PCDHA13: variants seen among roughly 807,000 people sequenced by gnomAD.
PCDHA13 encodes protocadherin alpha 13.
Under a neutral mutation model 64.8 loss-of-function variants are expected in PCDHA13, and 54 were observed. That is an observed-to-expected ratio of 0.83 (90% CI 0.67 to 1.04). PCDHA13 has a LOEUF of 1.04. PCDHA13 is among the 50% of genes least tolerant of loss of function. The probability of loss-of-function intolerance (pLI) is 0.00; values close to 1 mark genes in which losing one functional copy is unlikely to be tolerated. For missense variants in PCDHA13, 1,248 were observed against 1,254.3 expected, an observed-to-expected ratio of 0.99 and a Z score of 0.08; for synonymous variants, 587 against 564.4, an observed-to-expected ratio of 1.04 and a Z score of -0.57.
chr5:140,953,648 A>C (rs2094921161), intron 1 of PCDHA13, among the ~76,000 whole-genome samples: 1 of 152,150 alleles, frequency 6.6e-6, no homozygotes, highest in Non-Finnish European at 1.5e-5. Flanking sequence ...CAGGAGCTAT[A>C]GTTGTTATCT....
intron 1 of PCDHA13, among the ~76,000 whole-genome samples, chr5:140,934,420 C>T (rs559621314): frequency 1.1e-4 from 16 of 152,184 alleles, no homozygotes; most frequent in Non-Finnish European, 1.8e-4. Flanking sequence ...TTTGCATTAT[C>T]AATGCAAGTG....
chr5:140,999,603 G>C (rs552647484), intron 3 of PCDHA13, among the ~76,000 whole-genome samples: 1 of 152,246 alleles, frequency 6.6e-6, no homozygotes, highest in South Asian at 2.1e-4. Flanking sequence ...TACATCCTGG[G>C]GGACCTTATC....
At chr5:140,893,327 GT>G (rs2063928643) in intron 1 of PCDHA13, among the ~76,000 whole-genome samples, 1 of 152,164 alleles carries the variant, frequency 6.6e-6, no homozygotes, top group Non-Finnish European at 1.5e-5. Flanking sequence ...CTCCCATACT[GT>G]TTTCCTTAGT....
In PCDHA13 at chr5:140,968,789, G is replaced by A. The variant is rs782339889; in HGVS notation, c.2395-10160G>A. 16 of 1,614,060 alleles carry A rather than the reference G, an allele frequency of 9.9e-6. No individual in the cohort carries two copies. In the African/African-American group the frequency reaches 1.7e-4, roughly 18 times the overall value. On this transcript the variant is annotated intron_variant, in intron 1 of 3. Transcript: ENST00000289272. The stretch of plus-strand genomic sequence containing the variant: ...AGAGCCATCACTATCAGCCTCTGTG[G>A]CCATTACAGTAGCTGTGGTGGATAG...
intron 1 of PCDHA13, among the ~76,000 whole-genome samples, chr5:140,896,658 T>C (rs2065683362): frequency 6.6e-6 from 1 of 152,154 alleles, no homozygotes; most frequent in African/African-American, 2.4e-5. Context: ...ATTACAGGCA[T>C]GAGTCACTGT....
At chr5:140,928,367 C>T (rs781897390) in intron 1 of PCDHA13, 1 of 1,614,170 alleles carries the variant, frequency 6.2e-7, no homozygotes, top group East Asian at 2.2e-5. Context: ...TCTGAAGGGC[C>T]ATCAGCCTCT....
rs1382251688 is a variant in PCDHA13, at chr5:141,010,812, C to A, written c.*875C>A. The A allele has an allele frequency of 6.5e-6, 1 of 153,746 alleles. No homozygotes were observed. Among genetic ancestry groups the A allele is most frequent in the Non-Finnish European group, 1.5e-5 (1 of 68,054 alleles). The allele number at this position is 153,746 out of a possible 1,614,324, so 9.5% of individuals were successfully genotyped here. On this transcript the variant is annotated 3_prime_UTR_variant, in exon 4 of 4. Coordinates refer to ENST00000289272, the MANE Select transcript of PCDHA13 (RefSeq NM_018904.3). The stretch of plus-strand genomic sequence containing the variant: ...GCAAAAGAAAACCCCGACACCTCAC[C>A]TTTCGCTGTTTGTTGTTTCATAGAT...
At chr5:141,002,331 C>T (rs550513057) in intron 3 of PCDHA13, among the ~76,000 whole-genome samples, 1 of 152,372 alleles carries the variant, frequency 6.6e-6, no homozygotes, top group South Asian at 2.1e-4. Context: ...CGGGCTGCAT[C>T]CGCACCCCTT....
chr5:140,900,380 C>T (rs554914375), intron 1 of PCDHA13, among the ~76,000 whole-genome samples: 2 of 152,208 alleles, frequency 1.3e-5, no homozygotes, highest in Admixed American at 6.5e-5. Flanking sequence ...TGGGTTCAAG[C>T]GATTCTCCTG....
At chr5:140,920,794 A>G (rs1433275588) in intron 1 of PCDHA13, among the ~76,000 whole-genome samples, 2 of 151,776 alleles carry the variant, frequency 1.3e-5, no homozygotes, top group Admixed American at 6.6e-5. Flanking sequence ...CAGGGAACCA[A>G]GATCACGCCA....
intron 1 of PCDHA13, among the ~76,000 whole-genome samples, chr5:140,936,010 A>G (rs1470244912): frequency 6.6e-6 from 1 of 150,776 alleles, no homozygotes; most frequent in Non-Finnish European, 1.5e-5. Context: ...CTCCCACCTC[A>G]GCCTCCCGAG....
chr5:140,966,968 G>C, intron 1 of PCDHA13: 2 of 1,602,616 alleles, frequency 1.2e-6, no homozygotes, highest in Non-Finnish European at 1.7e-6. Context: ...GCTGGGGCTT[G>C]AGCTGCGGCG....
At chr5:140,936,630 T>C (rs1309907947) in intron 1 of PCDHA13, among the ~76,000 whole-genome samples, 1 of 152,234 alleles carries the variant, frequency 6.6e-6, no homozygotes, top group Non-Finnish European at 1.5e-5. Context: ...GCTACCTTTG[T>C]CATAAGCAAC....
At chr5:140,980,584 C>A (rs1447001293) in intron 2 of PCDHA13, among the ~76,000 whole-genome samples, 1 of 151,934 alleles carries the variant, frequency 6.6e-6, no homozygotes, top group Non-Finnish European at 1.5e-5. Context: ...GAGCCAAGAT[C>A]GAGCCACTGC....
intron 1 of PCDHA13, among the ~76,000 whole-genome samples, chr5:140,969,759 T>C (rs576118722): frequency 1.3e-5 from 2 of 152,338 alleles, no homozygotes; most frequent in African/African-American, 4.8e-5. Flanking sequence ...CTTAAAAAGC[T>C]CTGAGGCCTC....
At chr5:140,920,405 A>T (rs1253203896) in intron 1 of PCDHA13, among the ~76,000 whole-genome samples, 1 of 152,118 alleles carries the variant, frequency 6.6e-6, no homozygotes, top group Non-Finnish European at 1.5e-5. Context: ...TCTTTTTTTA[A>T]TCAGATACAG....
At chr5:140,913,144 A>T (rs1473490766) in intron 1 of PCDHA13, among the ~76,000 whole-genome samples, 4 of 152,180 alleles carry the variant, frequency 2.6e-5, no homozygotes, top group Non-Finnish European at 5.9e-5. Context: ...TTTTTGGAAT[A>T]GTTTGAGTAG....
intron 3 of PCDHA13, among the ~76,000 whole-genome samples, chr5:141,003,440 T>G (rs1194575812): frequency 6.6e-6 from 1 of 152,100 alleles, no homozygotes; most frequent in Non-Finnish European, 1.5e-5. Flanking sequence ...GCCTCCCAAG[T>G]AGATGAAATT....
intron 1 of PCDHA13, chr5:140,966,442 T>C (rs1474683794): frequency 4.7e-6 from 2 of 424,056 alleles, no homozygotes; most frequent in East Asian, 3.6e-5. Flanking sequence ...TACCGCTCCC[T>C]TTCCCCCTCC....
Sources: gnomAD v4.1 joint callset for allele counts (sites outside exome capture counted in the v4.1 genomes callset) on GRCh38, gnomAD v4.1.1 for gene constraint, MANE v1.5 for transcripts, NCBI Gene and HGNC (gene_info 2026-07-23, HGNC 2026-07-21) for gene names.